Variants in MGAM2 observed in about 807,000 individuals in gnomAD.
MGAM2 encodes maltase-glucoamylase 2 (putative).
In MGAM2, 98 loss-of-function variants were observed where a neutral mutation model predicts 96.1. The observed-to-expected ratio is 1.02, with a 90% CI of 0.87 to 1.21. The LOEUF (loss-of-function observed/expected upper bound fraction) is 1.21. Ranked by LOEUF, MGAM2 falls within the 50% of genes most tolerant of loss-of-function variation. The pLI is 0.00. For synonymous variants in MGAM2, 749 were observed against 414.8 expected (o/e 1.81, Z -9.79); for missense variants, 2,055 against 1,182.4 (o/e 1.74, Z -10.82).
intron 4 of MGAM2, among the ~76,000 whole-genome samples, chr7:142,131,280 A>C (rs1179901021): frequency 6.6e-6 from 1 of 152,154 alleles, no homozygotes; most frequent in Non-Finnish European, 1.5e-5. Flanking sequence ...TCTACTAAAA[A>C]TACAAAAATT....
At chr7:142,145,066 G>A (rs1449298999) in intron 14 of MGAM2, 121 bp downstream of exon 14, 4 of 609,956 alleles carry the variant, frequency 6.6e-6, no homozygotes, top group Non-Finnish European at 1.2e-5. Flanking sequence ...TAAACATCCT[G>A]AGCACTCCTC....
At chr7:142,161,294 C>A in intron 22 of MGAM2, 81 bp downstream of exon 22, 1 of 669,602 alleles carries the variant, frequency 1.5e-6, no homozygotes, top group Middle Eastern at 2.6e-4. Flanking sequence ...CCCAATATGG[C>A]ACTAACCCTA....
At chr7:142,200,292 C>T (rs1797181678) in intron 45 of MGAM2, among the ~76,000 whole-genome samples, 1 of 152,080 alleles carries the variant, frequency 6.6e-6, no homozygotes, top group Non-Finnish European at 1.5e-5. Context: ...AATTCATTCT[C>T]AATGGGACAG....
Position 142,221,534 on chromosome 7 carries a change from T to C in MGAM2, c.7023T>C (p.Ile2341=). The C allele has an allele frequency of 1.8e-6, 1 of 541,664 alleles. No homozygotes were observed. Among genetic ancestry groups the C allele is most frequent in the South Asian group, 3.1e-5 (1 of 32,648 alleles). 33.6% of individuals were successfully genotyped at this position (541,664 alleles called of 1,614,324 possible). Residue 2341 remains isoleucine (I), a synonymous_variant, in exon 48 of 48, where the codon ATT becomes ATC. Transcript: ENST00000477922. ...CTACCCCTACAAATGCAAACACCAT[T>C]ATTTTCAACACTCTTGATACAAAAA... The part of the protein sequence containing the change: ...NFTTPTNANT[I]IFNTLDTKST...
At position 142,220,297 on chromosome 7, in the gene MGAM2, G is replaced by A. The variant is rs564087172; in HGVS notation, c.5786G>A (p.Ser1929Asn). The A allele has an allele frequency of 2.9e-6, 2 of 691,542 alleles. No individual in the cohort carries two copies. The highest frequency in any genetic ancestry group is 3.7e-5 in the African/African-American group (2 of 53,948). The allele number at this position is 691,542 out of a possible 1,614,324, so 42.8% of individuals were successfully genotyped here. The part of the protein sequence containing the change: ...NTTAPFPTNA[S>N]TASTNATVPI... ...ACTGCCCCTTTCCCAACAAATGCTA[G>A]TACTGCTAGCACTAATGCTACTGTT... The change falls in exon 48 of 48, where the codon AGT becomes AAT. Residue 1929 changes from serine (S) to asparagine (N), a missense_variant. Physicochemically the swap from Ser to Asn is conservative, Grantham distance 46 (BLOSUM62 1). Transcript: ENST00000477922.
chr7:142,169,608 G>A (rs1427639004), intron 26 of MGAM2, among the ~76,000 whole-genome samples: 2 of 152,076 alleles, frequency 1.3e-5, no homozygotes, highest in Non-Finnish European at 2.9e-5. Context: ...GGTGGATACA[G>A]AAGAGAAACT....
intron 37 of MGAM2, among the ~76,000 whole-genome samples, chr7:142,191,394 G>T (rs1796863374): frequency 6.6e-6 from 1 of 152,032 alleles, no homozygotes; most frequent in South Asian, 2.1e-4. Context: ...TTATTCCTAT[G>T]TCTTCTTCTA....
chr7:142,179,321 T>C (rs73547338), intron 32 of MGAM2, among the ~76,000 whole-genome samples: 63 of 152,276 alleles, frequency 4.1e-4, no homozygotes, highest in African/African-American at 1.4e-3. Flanking sequence ...GTTTGACTTC[T>C]TCTTTTCCTG....
chr7:142,186,068 T>G lies in MGAM2; in HGVS notation c.4067T>G (p.Leu1356Arg), dbSNP rs1163632971. The change falls in exon 35 of 48, where the codon CTC becomes CGC. Residue 1356 changes from leucine (L) to arginine (R), a missense_variant. By Grantham distance (102) the Leu-to-Arg change is moderately radical (BLOSUM62 -2). Transcript: ENST00000477922. ...TGGTGGAAGAAAGAGATAGAAGAGC[T>G]CTATGCAAACCCTCGAGAGCCAGAG... ...AAWWKKEIEE[L>R]YANPREPEKS... 1 of 705,860 alleles carries G rather than the reference T, an allele frequency of 1.4e-6. No homozygotes were observed. The highest frequency in any genetic ancestry group is 2.6e-6 in the Non-Finnish European group (1 of 385,132). The allele number at this position is 705,860 out of a possible 1,614,324, so 43.7% of individuals were successfully genotyped here.
At chr7:142,179,071 G>A (rs999391248) in intron 32 of MGAM2, among the ~76,000 whole-genome samples, 5 of 152,036 alleles carry the variant, frequency 3.3e-5, no homozygotes, top group Admixed American at 6.6e-5. Flanking sequence ...AAACATTCTT[G>A]TTTTTATAGT....
At chr7:142,121,370 G>A (rs1414848617) in intron 3 of MGAM2, among the ~76,000 whole-genome samples, 1 of 152,044 alleles carries the variant, frequency 6.6e-6, no homozygotes, top group African/African-American at 2.4e-5. Context: ...TAGAGGCAGG[G>A]TTTCACCGTG....
At position 142,196,534 on chromosome 7, in the gene MGAM2, CCTCCAACACAGCT is replaced by C. The variant is rs1200404786; in HGVS notation, c.4481-30_4481-18del. On this transcript the variant is annotated intron_variant, in intron 38 of 47. Coordinates refer to ENST00000477922, the MANE Select transcript of MGAM2 (RefSeq NM_001293626.2). ...TCACTCTCCTCCCAAAGTGCTCCTT[CCTCCAACACAGCT>C]GTGTCTTCTCTTTGCAGGCATGATG... The C allele has an allele frequency of 2.8e-6, 2 of 711,604 alleles. No individual in the cohort carries two copies. Among genetic ancestry groups the C allele is most frequent in the Non-Finnish European group, 5.1e-6 (2 of 388,360 alleles). 44.1% of individuals were successfully genotyped at this position (711,604 alleles called of 1,614,324 possible).
At chr7:142,133,703 G>A (rs918795570) in intron 6 of MGAM2, among the ~76,000 whole-genome samples, 4 of 152,168 alleles carry the variant, frequency 2.6e-5, no homozygotes, top group East Asian at 1.9e-4. Flanking sequence ...CACCCAGAGC[G>A]GTGCCTGGTA....
intron 26 of MGAM2, 54 bp from the exon 27 acceptor site, chr7:142,170,021 A>G (rs1210449059): frequency 1.5e-5 from 10 of 656,882 alleles, no homozygotes; most frequent in Non-Finnish European, 2.5e-5. Flanking sequence ...GGGTGGCATG[A>G]GGGGTTTTAG....
chr7:142,194,039 T>C (rs1039035413), intron 37 of MGAM2, among the ~76,000 whole-genome samples: 14 of 149,810 alleles, frequency 9.3e-5, no homozygotes, highest in South Asian at 2.1e-4. Context: ...TCTTCTTCTT[T>C]TTTTTTTTTT....
intron 3 of MGAM2, among the ~76,000 whole-genome samples, chr7:142,123,874 A>C (rs1302323166): frequency 6.6e-6 from 1 of 152,022 alleles, no homozygotes; most frequent in Non-Finnish European, 1.5e-5. Context: ...TCTTTCCCTT[A>C]AAAGCATTAT....
intron 13 of MGAM2, 184 bp downstream of exon 13, chr7:142,144,066 G>T: frequency 4.7e-6 from 2 of 425,406 alleles, no homozygotes; most frequent in South Asian, 5.2e-5. Context: ...AAGAGCCTTA[G>T]GTTCTTATCC....
intron 3 of MGAM2, among the ~76,000 whole-genome samples, chr7:142,129,773 C>T (rs542517921): frequency 8.3e-5 from 10 of 121,104 alleles, no homozygotes; most frequent in Non-Finnish European, 1.3e-4. Context: ...TACAGTGAGC[C>T]GAGACTGCAC....
At chr7:142,166,012 T>G (rs941735653) in intron 24 of MGAM2, 86 bp from the exon 25 acceptor site, 3 of 598,826 alleles carry the variant, frequency 5.0e-6, no homozygotes, top group African/African-American at 1.9e-5. Flanking sequence ...GATGCCCTTG[T>G]CCTGACTTCC....
Sources: gnomAD v4.1 joint callset for allele counts (sites outside exome capture counted in the v4.1 genomes callset) on GRCh38, gnomAD v4.1.1 for gene constraint, MANE v1.5 for transcripts, NCBI Gene and HGNC (gene_info 2026-07-23, HGNC 2026-07-21) for gene names.